Variants in ENTREP2 observed in about 807,000 individuals in gnomAD.
The protein encoded by ENTREP2 is protein ENTREP2.
the ENTREP2 span, among the ~76,000 whole-genome samples, chr15:29,174,002 T>G: frequency 2.0e-5 from 3 of 150,902 alleles, no homozygotes; most frequent in African/African-American, 7.3e-5. Context: ...TGGGGAATAT[T>G]GAAGAGTCGG....
the ENTREP2 span, among the ~76,000 whole-genome samples, chr15:29,204,661 C>G: frequency 1.3e-5 from 2 of 152,106 alleles, no homozygotes; most frequent in South Asian, 4.2e-4. Context: ...TGAGATTAGA[C>G]AGGTAAAAAT....
chr15:29,395,027 C>T, the ENTREP2 span, among the ~76,000 whole-genome samples: 1 of 150,220 alleles, frequency 6.7e-6, no homozygotes, highest in Admixed American at 6.7e-5. Flanking sequence ...AGCTGGGCTA[C>T]AGGCGCCCAC....
chr15:29,558,243 A>T, the ENTREP2 span, among the ~76,000 whole-genome samples: 140,163 of 152,140 alleles, frequency 0.92, 64,689 homozygotes, highest in East Asian at 0.98. Context: ...CATCATGTGA[A>T]CACTGCCCAC....
At chr15:29,556,770 C>CACA in the ENTREP2 span, among the ~76,000 whole-genome samples, 1 of 144,424 alleles carries the variant, frequency 6.9e-6, no homozygotes, top group Non-Finnish European at 1.5e-5. Flanking sequence ...GTGCCCCCCC[C>CACA]CCGCCCCACA....
the ENTREP2 span, among the ~76,000 whole-genome samples, chr15:29,295,383 G>A: frequency 6.6e-6 from 1 of 152,130 alleles, no homozygotes; most frequent in Non-Finnish European, 1.5e-5. Flanking sequence ...CTGCTGAATT[G>A]ACAGCCAGGC....
the ENTREP2 span, among the ~76,000 whole-genome samples, chr15:29,495,026 A>C: frequency 6.6e-6 from 1 of 152,054 alleles, no homozygotes; most frequent in South Asian, 2.1e-4. Flanking sequence ...ATTTATCTTT[A>C]AAACACTGAT....
chr15:29,429,183 G>GTCTATCTA, the ENTREP2 span, among the ~76,000 whole-genome samples: 12 of 138,916 alleles, frequency 8.6e-5, no homozygotes, highest in African/African-American at 2.9e-4. Flanking sequence ...ATCTTGAGAT[G>GTCTATCTA]TCTATCTATC....
chr15:29,566,953 G>C, the ENTREP2 span, among the ~76,000 whole-genome samples: 1 of 151,822 alleles, frequency 6.6e-6, no homozygotes, highest in African/African-American at 2.4e-5. Context: ...GTAGCTGTTT[G>C]TCCCTGAGTT....
chr15:29,124,854 A>G, the ENTREP2 span: 84,636 of 1,122,890 alleles, frequency 0.075, 4,936 homozygotes, highest in African/African-American at 0.23. Context: ...GACATTTTAG[A>G]TGGCGAGCAA....
chr15:29,550,243 A>G, the ENTREP2 span, among the ~76,000 whole-genome samples: 2 of 152,174 alleles, frequency 1.3e-5, no homozygotes, highest in African/African-American at 4.8e-5. Context: ...AATTAGAAAT[A>G]ATCATCCTTC....
the ENTREP2 span, among the ~76,000 whole-genome samples, chr15:29,212,336 A>C: frequency 2.0e-5 from 3 of 151,896 alleles, no homozygotes; most frequent in African/African-American, 7.3e-5. Flanking sequence ...CCCCCGTTTC[A>C]TTTCTTATTG....
At chr15:29,256,765 T>C in the ENTREP2 span, among the ~76,000 whole-genome samples, 1 of 152,186 alleles carries the variant, frequency 6.6e-6, no homozygotes, top group African/African-American at 2.4e-5. Flanking sequence ...GGTCCATAAA[T>C]GAAGTTTCAC....
At chr15:29,207,455 C>CGGGGGGGGGTGGGGGGG in the ENTREP2 span, among the ~76,000 whole-genome samples, 2 of 123,076 alleles carry the variant, frequency 1.6e-5, no homozygotes, top group Admixed American at 8.4e-5. Context: ...GGTTGGGGGG[C>CGGGGGGGGGTGGGGGGG]GGGGGGGGTG....
At chr15:29,419,966 T>A in the ENTREP2 span, among the ~76,000 whole-genome samples, 21 of 151,516 alleles carry the variant, frequency 1.4e-4, 1 homozygote, top group Admixed American at 1.1e-3. Context: ...GAAATGAAGA[T>A]TGATGAAAGG....
the ENTREP2 span, chr15:29,137,230 C>T: frequency 6.9e-7 from 1 of 1,452,272 alleles, no homozygotes; most frequent in Non-Finnish European, 9.0e-7. Context: ...TTATCTGGGA[C>T]ATCTTGTGTG....
At chr15:29,548,729 G>A in the ENTREP2 span, among the ~76,000 whole-genome samples, 2 of 152,226 alleles carry the variant, frequency 1.3e-5, no homozygotes, top group South Asian at 2.1e-4. Flanking sequence ...GGAAACAACT[G>A]TACCATGAAG....
chr15:29,140,554 C>T, the ENTREP2 span, among the ~76,000 whole-genome samples: 2 of 152,184 alleles, frequency 1.3e-5, no homozygotes, highest in East Asian at 3.9e-4. Flanking sequence ...CCCAAACTCC[C>T]CGCTCTTTGA....
the ENTREP2 span, among the ~76,000 whole-genome samples, chr15:29,616,172 C>T: frequency 6.6e-6 from 1 of 152,192 alleles, no homozygotes; most frequent in South Asian, 2.1e-4. Context: ...GATGTATTAC[C>T]CTCAATTTGG....
At chr15:29,351,819 T>A in the ENTREP2 span, among the ~76,000 whole-genome samples, 3 of 111,548 alleles carry the variant, frequency 2.7e-5, no homozygotes, top group African/African-American at 9.0e-5. Flanking sequence ...TTTTTATTTT[T>A]TTTTTGGTAG....
Sources: gnomAD v4.1 joint callset for allele counts (sites outside exome capture counted in the v4.1 genomes callset) on GRCh38, gnomAD v4.1.1 for gene constraint, MANE v1.5 for transcripts, NCBI Gene and HGNC (gene_info 2026-07-23, HGNC 2026-07-21) for gene names.